The following DACH1 variants were observed in gnomAD, a reference collection of about 807,000 sequenced individuals.
The protein encoded by DACH1 is dachshund homolog 1.
Under a neutral mutation model 54.2 loss-of-function variants are expected in DACH1, and 12 were observed. That is an observed-to-expected ratio of 0.22 (90% CI 0.14 to 0.36). The LOEUF (loss-of-function observed/expected upper bound fraction) is 0.36, where lower values mean the gene tolerates loss of function less well. Ranked by LOEUF, DACH1 falls within the 10% of genes least tolerant of loss-of-function variation. The probability of loss-of-function intolerance (pLI) is 1.00; values close to 1 mark genes in which losing one functional copy is unlikely to be tolerated. For synonymous variants in DACH1, 386 were observed against 366.2 expected (o/e 1.05, Z -0.62); for missense variants, 805 against 929.8 (o/e 0.87, Z 1.75).
intron 6 of DACH1, among the ~76,000 whole-genome samples, chr13:71,555,775 T>C (rs942199046): frequency 6.6e-6 from 1 of 152,082 alleles, no homozygotes; most frequent in Non-Finnish European, 1.5e-5. Context: ...GTGAAAAAAA[T>C]GTAAGTTAAA....
chr13:71,815,479 G>C (rs183908894), intron 1 of DACH1, among the ~76,000 whole-genome samples: 63 of 152,250 alleles, frequency 4.1e-4, no homozygotes, highest in African/African-American at 1.5e-3. Context: ...TTCAAACAAG[G>C]TGGTAATAGC....
At chr13:71,517,190 C>A (rs1042243658) in intron 6 of DACH1, among the ~76,000 whole-genome samples, 1 of 151,640 alleles carries the variant, frequency 6.6e-6, no homozygotes, top group Non-Finnish European at 1.5e-5. Flanking sequence ...ATTTTATGGC[C>A]ACTGTTGGAA....
chr13:71,607,954 G>A (rs535910427), intron 3 of DACH1, among the ~76,000 whole-genome samples: 2 of 151,864 alleles, frequency 1.3e-5, no homozygotes, highest in Non-Finnish European at 2.9e-5. Context: ...GAACGCTTAA[G>A]TGATATGTAT....
intron 2 of DACH1, among the ~76,000 whole-genome samples, chr13:71,655,667 G>C (rs1422812129): frequency 6.6e-6 from 1 of 152,064 alleles, no homozygotes; most frequent in East Asian, 1.9e-4. Flanking sequence ...CACTGAGCCT[G>C]GCTGCCTCTT....
intron 3 of DACH1, among the ~76,000 whole-genome samples, chr13:71,575,030 A>G (rs1407118124): frequency 1.3e-5 from 2 of 152,016 alleles, no homozygotes; most frequent in Non-Finnish European, 2.9e-5. Flanking sequence ...CACATTTTAA[A>G]CATCTGCTCT....
At chr13:71,769,352 C>T (rs998193518) in intron 1 of DACH1, among the ~76,000 whole-genome samples, 12 of 151,620 alleles carry the variant, frequency 7.9e-5, no homozygotes, top group African/African-American at 2.9e-4. Context: ...TTCCATTTAG[C>T]CTATGAAGTG....
chr13:71,520,406 G>A (rs948057536), intron 6 of DACH1, among the ~76,000 whole-genome samples: 2 of 151,536 alleles, frequency 1.3e-5, no homozygotes, highest in Admixed American at 6.6e-5. Context: ...ATTGAAGCTT[G>A]TCCCCAAAAC....
rs869289138 is a variant in DACH1, at chr13:71,693,296, CTTTTTTT to C, written c.849-11393_849-11387del. ...AATACCCTCTTATCCATTTGTTTTGCTTTTTTTTTTTTTTTTTTTTTTTGAGACAAGA... is the reference window on the plus strand; with the variant it reads ...AATACCCTCTTATCCATTTGTTTTGCTTTTTTTTTTTTTTTTGAGACAAGA... On this transcript the variant is annotated intron_variant, in intron 1 of 10. Coordinates refer to ENST00000613252, the MANE Select transcript of DACH1 (RefSeq NM_080759.6). 8.8e-5 allele frequency among the ~76,000 whole-genome samples: 8 copies of C among 90,962 alleles called. No homozygotes were observed. The South Asian group carries it at 2.6e-3, about 30-fold the overall frequency. 59.7% of individuals were successfully genotyped at this position (90,962 alleles called of 152,430 possible).
intron 6 of DACH1, among the ~76,000 whole-genome samples, chr13:71,556,656 G>C (rs767089965): frequency 6.6e-6 from 1 of 151,928 alleles, no homozygotes; most frequent in African/African-American, 2.4e-5. Flanking sequence ...AAAGAAGACA[G>C]AATAATCCTT....
At position 71,439,914 on chromosome 13, in the gene DACH1, A is replaced by T. The variant is rs1374773305; in HGVS notation, c.*741T>A. 1 of 152,200 alleles carries T rather than the reference A, an allele frequency of 6.6e-6. No individual in the cohort carries two copies. Among genetic ancestry groups the T allele is most frequent in the Non-Finnish European group, 1.5e-5 (1 of 67,884 alleles). The allele number at this position is 152,200 out of a possible 1,614,324, so 9.4% of individuals were successfully genotyped here. The stretch of plus-strand genomic sequence containing the variant: ...ATCTTTAATTCTACATACCACTACC[A>T]GTTTGGAATGAAAACATGTTACACT... On this transcript the variant is annotated 3_prime_UTR_variant, in exon 11 of 11. Coordinates refer to ENST00000613252, the MANE Select transcript of DACH1 (RefSeq NM_080759.6).
chr13:71,488,282 C>G (rs979185596), intron 7 of DACH1, among the ~76,000 whole-genome samples: 2 of 152,176 alleles, frequency 1.3e-5, no homozygotes, highest in African/African-American at 4.8e-5. Flanking sequence ...TGACAAAAAT[C>G]TCCATCTGGG....
At chr13:71,547,800 C>G (rs1388284673) in intron 6 of DACH1, among the ~76,000 whole-genome samples, 1 of 152,048 alleles carries the variant, frequency 6.6e-6, no homozygotes, top group African/African-American at 2.4e-5. Flanking sequence ...GTTCTAGTGT[C>G]TTTGGGATTT....
chr13:71,599,111 T>TA (rs1306520728), intron 3 of DACH1, among the ~76,000 whole-genome samples: 1 of 152,132 alleles, frequency 6.6e-6, no homozygotes, highest in East Asian at 1.9e-4. Flanking sequence ...CAAACCATGA[T>TA]AAAATTATTA....
chr13:71,526,594 C>A (rs1881975667), intron 6 of DACH1, among the ~76,000 whole-genome samples: 1 of 151,856 alleles, frequency 6.6e-6, no homozygotes, highest in Non-Finnish European at 1.5e-5. Flanking sequence ...TTTAAACTTG[C>A]ATCTGGTATA....
chr13:71,704,173 T>G (rs1428530681), intron 1 of DACH1: 2 of 215,798 alleles, frequency 9.3e-6, no homozygotes, highest in Non-Finnish European at 1.9e-5. Flanking sequence ...TTCCAGTAAT[T>G]CATCAAAATG....
intron 2 of DACH1, among the ~76,000 whole-genome samples, chr13:71,647,335 C>G (rs983139972): frequency 6.6e-6 from 1 of 152,108 alleles, no homozygotes; most frequent in Non-Finnish European, 1.5e-5. Flanking sequence ...AGAGTTTTCA[C>G]GAGCACAATT....
intron 1 of DACH1, among the ~76,000 whole-genome samples, chr13:71,796,531 G>A (rs1190561544): frequency 1.3e-5 from 2 of 151,992 alleles, no homozygotes; most frequent in Non-Finnish European, 2.9e-5. Context: ...AATGATTTAA[G>A]GTTACACACT....
chr13:71,813,144 T>C (rs1157080207), intron 1 of DACH1, among the ~76,000 whole-genome samples: 1 of 152,196 alleles, frequency 6.6e-6, no homozygotes. Context: ...TACTATGTTA[T>C]TTTTCTTTCA....
At chr13:71,789,696 ATGAG>A (rs1381872122) in intron 1 of DACH1, among the ~76,000 whole-genome samples, 2 of 152,292 alleles carry the variant, frequency 1.3e-5, no homozygotes, top group Non-Finnish European at 2.9e-5. Context: ...AGAAGTATAT[ATGAG>A]TGAGTGATTG....
Sources: allele counts gnomAD v4.1 joint callset (sites outside exome capture counted in the v4.1 genomes callset), GRCh38; gene constraint gnomAD v4.1.1; transcripts MANE v1.5; gene names NCBI Gene and HGNC (gene_info 2026-07-23, HGNC 2026-07-21).